The following IPO9 variants were observed in gnomAD, a reference collection of about 807,000 sequenced individuals.
The protein encoded by IPO9 is importin-9.
IPO9 carries 28 observed loss-of-function variants against 128.6 expected under a neutral mutation model. The ratio of observed to expected loss-of-function variants is 0.22; its 90% CI spans 0.16 to 0.30. The LOEUF (loss-of-function observed/expected upper bound fraction) is 0.30, where lower values mean the gene tolerates loss of function less well. Ranked by LOEUF, IPO9 falls within the 10% of genes least tolerant of loss-of-function variation. The pLI is 1.00. For missense variants in IPO9, 935 were observed against 1,293.9 expected, an observed-to-expected ratio of 0.72 and a Z score of 4.26; for synonymous variants, 455 against 475.8, an observed-to-expected ratio of 0.96 and a Z score of 0.57.
chr1:201,854,391 C>A (rs1346616451), intron 6 of IPO9, among the ~76,000 whole-genome samples: 1 of 152,148 alleles, frequency 6.6e-6, no homozygotes, highest in Non-Finnish European at 1.5e-5. Context: ...TTTAAGAGGG[C>A]TTTGATGAAG....
At chr1:201,857,773 C>T (rs894441309) in intron 11 of IPO9, among the ~76,000 whole-genome samples, 17 of 110,614 alleles carry the variant, frequency 1.5e-4, no homozygotes, top group African/African-American at 3.8e-4. Flanking sequence ...CCAGCCTGGG[C>T]GACAAGAGTG....
intron 12 of IPO9, 32 bp from the exon 13 acceptor site, chr1:201,858,823 A>G: frequency 1.3e-6 from 2 of 1,572,222 alleles, no homozygotes; most frequent in Non-Finnish European, 8.7e-7. Flanking sequence ...GCAGTTTAGT[A>G]TGTTTTACTA....
chr1:201,865,831 C>T (rs1025870222), intron 14 of IPO9, among the ~76,000 whole-genome samples: 1 of 152,130 alleles, frequency 6.6e-6, no homozygotes, highest in Non-Finnish European at 1.5e-5. Flanking sequence ...GTGGCTCACA[C>T]CTGTGATCCC....
rs747310599 is a variant in IPO9 at position 201,875,234 on chromosome 1, G to C, written c.3015+6G>C. 45 of 1,611,666 alleles carry C rather than the reference G, an allele frequency of 2.8e-5. No individual in the cohort carries two copies. The highest frequency in any genetic ancestry group is 3.5e-5 in the Non-Finnish European group (41 of 1,177,724). On this transcript the variant is annotated splice_donor_region_variant and intron_variant, in intron 23 of 23. Coordinates refer to ENST00000361565, the MANE Select transcript of IPO9 (RefSeq NM_018085.5). ...TCTATCAGATTGATCTGCAGGTGAG[G>C]GTGTCCAGAGATATCTTGCAAATGA...
intron 13 of IPO9, among the ~76,000 whole-genome samples, chr1:201,859,957 TA>T (rs1184483412): frequency 5.0e-3 from 712 of 141,466 alleles, no homozygotes; most frequent in Middle Eastern, 0.011. Context: ...AGACTTGGTT[TA>T]AAAAAAAAAA....
intron 1 of IPO9, 44 bp downstream of exon 1, chr1:201,829,416 TC>T (rs1436270409): frequency 1.3e-6 from 2 of 1,500,888 alleles, no homozygotes; most frequent in Non-Finnish European, 1.8e-6. Flanking sequence ...AGCCGCACAA[TC>T]CGCTGACCGC....
chr1:201,875,508 T>C (rs907827981), intron 23 of IPO9, among the ~76,000 whole-genome samples: 1 of 151,500 alleles, frequency 6.6e-6, no homozygotes, highest in African/African-American at 2.4e-5. Flanking sequence ...GAGGATCGCT[T>C]GAGGCCAAGA....
Position 201,877,957 on chromosome 1 carries a change from G to A in IPO9, c.*1903G>A, listed in dbSNP as rs1408446894. ...AAAAAAAAGAGAAAGAATATAAAGT[G>A]AATCTGAATCTCCACTCAAGGGGAT... On this transcript the variant is annotated 3_prime_UTR_variant, in exon 24 of 24. Transcript: ENST00000361565. 3.9e-5 allele frequency: 6 copies of A among 152,134 alleles called. No individual in the cohort carries two copies. The highest frequency in any genetic ancestry group is 8.8e-5 in the Non-Finnish European group (6 of 68,054). 9.4% of individuals were successfully genotyped at this position (152,134 alleles called of 1,614,324 possible).
chr1:201,875,360 C>T lies in IPO9; in HGVS notation c.3015+132C>T, dbSNP rs187840883. ...ATCCCAACACTTTGGGAGGTCAAGG[C>T]GGGAGGATTGCTTAAGCCCAGGAGT... On this transcript the variant is annotated intron_variant, in intron 23 of 23. Transcript: ENST00000361565. The T allele has an allele frequency of 4.3e-4, 343 of 791,182 alleles. 2 individuals carry two copies. The highest frequency in any genetic ancestry group is 4.1e-4 in the South Asian group (28 of 67,950). 49.0% of individuals were successfully genotyped at this position (791,182 alleles called of 1,614,324 possible).
chr1:201,874,407 C>T, intron 21 of IPO9, 35 bp downstream of exon 21: 2 of 1,572,496 alleles, frequency 1.3e-6, no homozygotes, highest in Non-Finnish European at 1.7e-6. Flanking sequence ...AGACTTTTAG[C>T]CTGGCAGATC....
At chr1:201,839,311 G>T (rs989758022) in intron 1 of IPO9, among the ~76,000 whole-genome samples, 25 of 151,514 alleles carry the variant, frequency 1.7e-4, no homozygotes, top group Non-Finnish European at 1.5e-4. Flanking sequence ...CTGCCTCCCA[G>T]GCCCAAGTGA....
chr1:201,829,216 G>A lies in IPO9; in HGVS notation c.7G>A (p.Ala3Thr). 1 of 1,552,484 alleles carries A rather than the reference G, an allele frequency of 6.4e-7. No individual in the cohort carries two copies. The highest frequency in any genetic ancestry group is 1.2e-5 in the South Asian group (1 of 83,778). The change falls in exon 1 of 24, where the codon GCG becomes ACG. Residue 3 changes from alanine (A) to threonine (T), a missense_variant. Ala to Thr is a moderately conservative substitution (Grantham distance 58, BLOSUM62 0). Coordinates refer to ENST00000361565, the MANE Select transcript of IPO9 (RefSeq NM_018085.5). MAAAAAAGAASGL... is the reference protein window; with the variant it reads MATAAAAGAASGL... ...CGGGCTGAGGGGAGAAAAGATGGCG[G>A]CGGCGGCGGCAGCTGGTGCGGCCTC...
chr1:201,853,149 A>T (rs1680256430), intron 6 of IPO9, 52 bp downstream of exon 6: 2 of 1,440,854 alleles, frequency 1.4e-6, no homozygotes, highest in Admixed American at 3.3e-5. Flanking sequence ...AGTTTTATTC[A>T]TGCAGAGCAG....
chr1:201,852,276 C>A, intron 5 of IPO9, 84 bp downstream of exon 5: 1 of 770,540 alleles, frequency 1.3e-6, no homozygotes, highest in Non-Finnish European at 2.2e-6. Flanking sequence ...ATGGTGTTTG[C>A]AACTGATCTC....
chr1:201,864,459 G>T (rs1680512399), intron 14 of IPO9, among the ~76,000 whole-genome samples: 1 of 152,208 alleles, frequency 6.6e-6, no homozygotes, highest in Non-Finnish European at 1.5e-5. Context: ...TGTCTGAGAA[G>T]AGAGAGCCCT....
Position 201,872,957 on chromosome 1 carries a change from C to A in IPO9, c.2706C>A (p.Ala902=). The change falls in exon 20 of 24, where the codon GCC becomes GCA. Residue 902 remains alanine, a synonymous_variant. Coordinates refer to ENST00000361565, the MANE Select transcript of IPO9 (RefSeq NM_018085.5). The stretch of plus-strand genomic sequence containing the variant: ...GCATCCGCACCCGCTCTAAGTCAGC[C>A]AAAAGTGGGTGCTGCTGCGATTCTT... ...DEGIRTRSKS[A]KNPERWTNIP... The A allele has an allele frequency of 6.2e-7, 1 of 1,611,262 alleles. No individual in the cohort carries two copies. The highest frequency in any genetic ancestry group is 8.5e-7 in the Non-Finnish European group (1 of 1,178,626).
At chr1:201,872,291 T>G (rs577526221) in intron 19 of IPO9, among the ~76,000 whole-genome samples, 2 of 152,242 alleles carry the variant, frequency 1.3e-5, no homozygotes, top group South Asian at 4.1e-4. Context: ...TACCACTGAT[T>G]CTTATCACCT....
At chr1:201,847,162 T>C in intron 1 of IPO9, 117 bp from the exon 2 acceptor site, 1 of 769,164 alleles carries the variant, frequency 1.3e-6, no homozygotes, top group Non-Finnish European at 2.2e-6. Context: ...TATCAGCTCT[T>C]TTTGAAACAA....
At chr1:201,869,503 G>A (rs1474372497) in intron 16 of IPO9, 87 bp from the exon 17 acceptor site, 1 of 1,510,288 alleles carries the variant, frequency 6.6e-7, no homozygotes, top group African/African-American at 1.4e-5. Flanking sequence ...GGGTTGCTAT[G>A]TAATACCCAT....
Sources: gnomAD v4.1 joint callset for allele counts (sites outside exome capture counted in the v4.1 genomes callset) on GRCh38, gnomAD v4.1.1 for gene constraint, MANE v1.5 for transcripts, NCBI Gene and HGNC (gene_info 2026-07-23, HGNC 2026-07-21) for gene names.